Variants in MAGI3 observed in about 807,000 individuals in gnomAD.
The protein encoded by MAGI3 is membrane associated guanylate kinase, WW and PDZ domain containing 3, also known as membrane-associated guanylate kinase, WW and PDZ domain-containing protein 3.
MAGI3 carries 43 observed loss-of-function variants against 121.8 expected under a neutral mutation model. That is an observed-to-expected ratio of 0.35 (90% CI 0.28 to 0.46). The LOEUF (loss-of-function observed/expected upper bound fraction) is 0.46, where lower values mean the gene tolerates loss of function less well. MAGI3 is among the 20% of genes least tolerant of loss of function. The pLI is 1.00. For missense variants in MAGI3, 1,547 were observed against 1,797.3 expected (o/e 0.86, Z 2.52); for synonymous variants, 553 against 639.3 (o/e 0.86, Z 2.04).
intron 1 of MAGI3, among the ~76,000 whole-genome samples, chr1:113,447,471 C>A (rs1219572715): frequency 6.6e-6 from 1 of 152,200 alleles, no homozygotes; most frequent in African/African-American, 2.4e-5. Flanking sequence ...CCTCTTAATA[C>A]AATTACAATG....
In MAGI3 at chr1:113,391,432, C is replaced by T; in HGVS notation, c.316+83C>T. 2.1e-6 allele frequency: 3 copies of T among 1,414,092 alleles called. No individual in the cohort carries two copies. The highest frequency in any genetic ancestry group is 5.0e-5 in the East Asian group (2 of 40,326). 87.6% of individuals were successfully genotyped at this position (1,414,092 alleles called of 1,614,324 possible). ...CGTCCTGGGAGCGGCGGCACCTCCC[C>T]ACCGCGTATTGTCCCGGGTAATCTT... is the stretch of plus-strand genomic sequence containing the variant. On this transcript the variant is annotated intron_variant, in intron 1 of 20. Transcript: ENST00000307546. The surrounding 1 kb of genome is among the most constrained non-coding windows in gnomAD (Gnocchi z 4.4).
intron 1 of MAGI3, among the ~76,000 whole-genome samples, chr1:113,415,994 A>ATAATTAATTACATATATTAATTATG (rs1557743589): frequency 7.8e-5 from 7 of 90,282 alleles, no homozygotes; most frequent in African/African-American, 2.4e-4. Context: ...TATTAATTAT[A>ATAATTAATTACATATATTAATTATG]TAATTAATTA....
intron 1 of MAGI3, among the ~76,000 whole-genome samples, chr1:113,509,926 G>A (rs1010508132): frequency 2.6e-5 from 4 of 151,358 alleles, no homozygotes; most frequent in Non-Finnish European, 5.9e-5. Context: ...CCTGCAGCAC[G>A]TTGCCTCCAG....
chr1:113,439,855 C>A (rs1305633496), intron 1 of MAGI3, among the ~76,000 whole-genome samples: 1 of 150,334 alleles, frequency 6.7e-6, no homozygotes, highest in South Asian at 2.1e-4. Flanking sequence ...AATTAATTTC[C>A]CCAGTTATTA....
At chr1:113,531,747 C>T (rs1658737250) in intron 1 of MAGI3, among the ~76,000 whole-genome samples, 1 of 151,546 alleles carries the variant, frequency 6.6e-6, no homozygotes, top group African/African-American at 2.4e-5. Context: ...GGGGCGGGGA[C>T]AGGGTACCTT....
chr1:113,463,253 T>G (rs1049547638), intron 1 of MAGI3, among the ~76,000 whole-genome samples: 3 of 151,640 alleles, frequency 2.0e-5, no homozygotes, highest in African/African-American at 7.3e-5. Flanking sequence ...GGTTTCAGTC[T>G]GAGAGTCATC....
chr1:113,398,048 A>T (rs1240590233), intron 1 of MAGI3, among the ~76,000 whole-genome samples: 1 of 152,182 alleles, frequency 6.6e-6, no homozygotes, highest in African/African-American at 2.4e-5. Context: ...CTAGCAATTT[A>T]TCCTGATGCA....
intron 12 of MAGI3, among the ~76,000 whole-genome samples, chr1:113,647,240 A>G (rs756488328): frequency 9.2e-5 from 14 of 152,208 alleles, no homozygotes; most frequent in Non-Finnish European, 1.8e-4. Flanking sequence ...TGCAATTGGC[A>G]AGGAAAGTCA....
chr1:113,497,220 GGAATAGGAA>G (rs1553192741), intron 1 of MAGI3, among the ~76,000 whole-genome samples: 10 of 145,320 alleles, frequency 6.9e-5, no homozygotes, highest in East Asian at 3.2e-4. Context: ...TCACACCACT[GGAATAGGAA>G]CAGCTCCGGT....
chr1:113,405,954 A>G (rs1426902728), intron 1 of MAGI3, among the ~76,000 whole-genome samples: 1 of 152,078 alleles, frequency 6.6e-6, no homozygotes, highest in Non-Finnish European at 1.5e-5. Flanking sequence ...TTGCTTACAT[A>G]TTCAGGAGCT....
At chr1:113,414,351 T>G (rs534172285) in intron 1 of MAGI3, among the ~76,000 whole-genome samples, 3 of 152,316 alleles carry the variant, frequency 2.0e-5, no homozygotes, top group Admixed American at 2.0e-4. Flanking sequence ...TTTTTTGTTG[T>G]GTCTCTGCCA....
intron 1 of MAGI3, among the ~76,000 whole-genome samples, chr1:113,515,385 A>G (rs552874053): frequency 6.6e-5 from 10 of 152,254 alleles, no homozygotes; most frequent in East Asian, 1.9e-4. Flanking sequence ...AATTTTTACT[A>G]TCTCTTCTCA....
At chr1:113,622,097 G>A (rs1570953249) in intron 8 of MAGI3, among the ~76,000 whole-genome samples, 1 of 152,144 alleles carries the variant, frequency 6.6e-6, no homozygotes, top group East Asian at 1.9e-4. Context: ...TATGGTATGT[G>A]AATTATATCT....
Position 113,671,813 on chromosome 1 carries a change from G to C in MAGI3, c.2895G>C (p.Gln965His). ...ALQHRPMGQS[Q>H]ANHIPGDRSA... ...AGCACAGGCCCATGGGACAGTCACA[G>C]GCCAACCACATACCTGGGGACAGGT... Residue 965 changes from glutamine (Q) to histidine (H), a missense_variant, in exon 17 of 21, where the codon CAG becomes CAC. Coordinates refer to ENST00000307546, the MANE Select transcript of MAGI3 (RefSeq NM_001142782.2). 6.2e-7 allele frequency: 1 copy of C among 1,614,202 alleles called. No homozygotes were observed. The highest frequency in any genetic ancestry group is 8.5e-7 in the Non-Finnish European group (1 of 1,180,032).
intron 1 of MAGI3, among the ~76,000 whole-genome samples, chr1:113,526,253 G>C (rs191488585): frequency 1.2e-3 from 183 of 152,258 alleles, no homozygotes; most frequent in Non-Finnish European, 1.9e-3. Flanking sequence ...AAGGCATGTG[G>C]GTATATGTGA....
At chr1:113,662,068 C>G (rs1445139543) in intron 16 of MAGI3, among the ~76,000 whole-genome samples, 1 of 152,116 alleles carries the variant, frequency 6.6e-6, no homozygotes, top group Non-Finnish European at 1.5e-5. Context: ...TTTTCAGAAA[C>G]CACACATTCA....
At chr1:113,433,573 A>G (rs1259553919) in intron 1 of MAGI3, among the ~76,000 whole-genome samples, 2 of 152,224 alleles carry the variant, frequency 1.3e-5, no homozygotes, top group African/African-American at 4.8e-5. Flanking sequence ...ATAAGAGGCT[A>G]TACAGCTTTA....
chr1:113,675,261 C>T (rs560907588), intron 19 of MAGI3, among the ~76,000 whole-genome samples: 6 of 152,110 alleles, frequency 3.9e-5, no homozygotes, highest in Admixed American at 1.3e-4. Flanking sequence ...TGAATGGTAA[C>T]GCTTTGGATG....
At chr1:113,464,182 A>G (rs1026605655) in intron 1 of MAGI3, among the ~76,000 whole-genome samples, 1 of 151,860 alleles carries the variant, frequency 6.6e-6, no homozygotes, top group Non-Finnish European at 1.5e-5. Flanking sequence ...GCCTCTGTTA[A>G]CCACCAATCT....
Sources: allele counts gnomAD v4.1 joint callset (sites outside exome capture counted in the v4.1 genomes callset), GRCh38; gene constraint gnomAD v4.1.1; non-coding constraint Gnocchi (gnomAD v3.1); transcripts MANE v1.5; gene names NCBI Gene and HGNC (gene_info 2026-07-23, HGNC 2026-07-21).